The following PBLD variants were observed in gnomAD, a reference collection of about 807,000 sequenced individuals.
PBLD encodes phenazine biosynthesis like protein domain containing, also known as phenazine biosynthesis-like domain-containing protein.
In PBLD, 26 loss-of-function variants were observed where a neutral mutation model predicts 31.3. The ratio of observed to expected loss-of-function variants is 0.83; its 90% CI spans 0.61 to 1.15. PBLD has a LOEUF of 1.15. Among genes scored for constraint, PBLD ranks in the 50% most tolerant of loss-of-function variants. The pLI, the probability that PBLD is intolerant of heterozygous loss-of-function variation, is 0.00. For synonymous variants in PBLD, 114 were observed against 129.0 expected (o/e 0.88, Z 0.79); for missense variants, 307 against 351.7 (o/e 0.87, Z 1.02).
chr10:68,327,082 T>G (rs1292137267), intron 1 of PBLD, among the ~76,000 whole-genome samples: 1 of 151,352 alleles, frequency 6.6e-6, no homozygotes, highest in Non-Finnish European at 1.5e-5. Flanking sequence ...AAAACTGGGG[T>G]TCAGAAAAGT....
At chr10:68,327,491 A>G (rs2044941293) in intron 1 of PBLD, among the ~76,000 whole-genome samples, 1 of 152,028 alleles carries the variant, frequency 6.6e-6, no homozygotes, top group Non-Finnish European at 1.5e-5. Context: ...CAGCCTGATC[A>G]ACATGGTGAA....
intron 1 of PBLD, among the ~76,000 whole-genome samples, chr10:68,330,709 CGTGTGTGTGTGTGTGTGTGTGTGT>C (rs56166847): frequency 7.3e-4 from 105 of 142,912 alleles, no homozygotes; most frequent in South Asian, 2.1e-3. Flanking sequence ...CCACGCCCGG[CGTGTGTGTGTGTGTGTGTGTGTGT>C]GTGTGTGTGT....
chr10:68,284,116 T>C lies in PBLD; in HGVS notation c.*61A>G. 1 of 1,473,936 alleles carries C rather than the reference T, an allele frequency of 6.8e-7. No individual in the cohort carries two copies. 91.3% of individuals were successfully genotyped at this position (1,473,936 alleles called of 1,614,324 possible). On this transcript the variant is annotated 3_prime_UTR_variant, in exon 10 of 10. Coordinates refer to ENST00000358769, the MANE Select transcript of PBLD (RefSeq NM_022129.4). ...CATTTGCTAAAGGCAGCCCCTTACATTTCTTTTTAAGCAGAAAATACTTGG... is the reference window on the plus strand; with the variant it reads ...CATTTGCTAAAGGCAGCCCCTTACACTTCTTTTTAAGCAGAAAATACTTGG...
chr10:68,322,788 T>C (rs2044856206), intron 1 of PBLD, among the ~76,000 whole-genome samples: 1 of 152,234 alleles, frequency 6.6e-6, no homozygotes, highest in East Asian at 1.9e-4. Flanking sequence ...GGCCTCACTC[T>C]GTTATCCAGG....
intron 6 of PBLD, among the ~76,000 whole-genome samples, chr10:68,290,625 G>A (rs756893623): frequency 3.9e-5 from 6 of 152,128 alleles, no homozygotes; most frequent in African/African-American, 1.4e-4. Context: ...GCTGAGGCAG[G>A]AGAATTGCTA....
Position 68,284,162 on chromosome 10 carries a change from A to G in PBLD, c.*15T>C. 10 of 1,599,480 alleles carry G rather than the reference A, an allele frequency of 6.3e-6. No homozygotes were observed. Among genetic ancestry groups the G allele is most frequent in the Non-Finnish European group, 8.6e-6 (10 of 1,168,740 alleles). On this transcript the variant is annotated 3_prime_UTR_variant, in exon 10 of 10. Coordinates refer to ENST00000358769, the MANE Select transcript of PBLD (RefSeq NM_022129.4). ...CTTGGTGGTTAGAGACAGCAGCGTC[A>G]CAGCATAACCACCTCTAGGCTGTCA...
In PBLD at chr10:68,284,196, T is replaced by C; in HGVS notation, c.848A>G (p.Glu283Gly). 6.2e-7 allele frequency: 1 copy of C among 1,613,996 alleles called. No individual in the cohort carries two copies. Among genetic ancestry groups the C allele is most frequent in the South Asian group, 1.1e-5 (1 of 91,072 alleles). The change falls in exon 10 of 10, where the codon GAG (glutamate) becomes GGG (glycine). Residue 283 changes from glutamate to glycine, a missense_variant. Transcript: ENST00000358769. The part of the protein sequence containing the change: ...DIRGGAAVVL[E>G]GTLTA ...CCACCTCTAGGCTGTCAGTGTGCCC[T>C]CTAAAACAACAGCTGCACCTCCTCT...
chr10:68,283,242 C>CT lies in PBLD; in HGVS notation c.*934dup, dbSNP rs1564721482. On this transcript the variant is annotated 3_prime_UTR_variant, in exon 10 of 10. Transcript: ENST00000358769. ...ATGACAGGAAGTAGCCTAATACATA[C>CT]TTTTTTGTGTTAATTTTCTGGATTC... 6.6e-6 allele frequency: 1 copy of CT among 152,050 alleles called. No homozygotes were observed. Among genetic ancestry groups the CT allele is most frequent in the African/African-American group, 2.4e-5 (1 of 41,394 alleles). The allele number at this position is 152,050 out of a possible 1,614,324, so 9.4% of individuals were successfully genotyped here. A position where few individuals can be genotyped will look rare whatever the true frequency, so the allele number is the denominator to read the frequency against.
At chr10:68,296,220 A>G in intron 4 of PBLD, 46 bp downstream of exon 4, 1 of 1,436,260 alleles carries the variant, frequency 7.0e-7, no homozygotes, top group East Asian at 2.3e-5. Context: ...TAAAAAAAAA[A>G]AAGCCATTTG....
chr10:68,311,440 G>A (rs927728508), intron 1 of PBLD, among the ~76,000 whole-genome samples: 1 of 152,128 alleles, frequency 6.6e-6, no homozygotes, highest in African/African-American at 2.4e-5. Context: ...CAAAAAAGTA[G>A]CCAGGTGTGG....
At chr10:68,306,643 G>C in intron 2 of PBLD, 118 bp downstream of exon 2, 1 of 899,986 alleles carries the variant, frequency 1.1e-6, no homozygotes, top group South Asian at 1.8e-5. Flanking sequence ...CTGATATGAT[G>C]GCAAAGAACA....
intron 1 of PBLD, among the ~76,000 whole-genome samples, chr10:68,312,703 G>A (rs1435553025): frequency 1.3e-5 from 2 of 148,320 alleles, no homozygotes; most frequent in Non-Finnish European, 3.0e-5. Context: ...TCCGCCTCCC[G>A]GGTTCACGCC....
At chr10:68,316,802 C>T (rs1388341658) in intron 1 of PBLD, among the ~76,000 whole-genome samples, 1 of 152,114 alleles carries the variant, frequency 6.6e-6, no homozygotes, top group African/African-American at 2.4e-5. Flanking sequence ...TGCCTGAGCT[C>T]AGGAGTTCGA....
intron 1 of PBLD, among the ~76,000 whole-genome samples, chr10:68,318,869 T>C (rs374725582): frequency 1.3e-5 from 2 of 151,612 alleles, no homozygotes; most frequent in Non-Finnish European, 2.9e-5. Flanking sequence ...AGTTCACAGC[T>C]GCAGTGAGGT....
intron 1 of PBLD, among the ~76,000 whole-genome samples, chr10:68,328,591 GA>G (rs775620670): frequency 1.6e-4 from 24 of 152,052 alleles, no homozygotes; most frequent in Non-Finnish European, 2.9e-4. Context: ...ATGCTAATAG[GA>G]AAGCACTGGA....
At chr10:68,330,702 C>A (rs1238871509) in intron 1 of PBLD, among the ~76,000 whole-genome samples, 1 of 145,764 alleles carries the variant, frequency 6.9e-6, no homozygotes, top group African/African-American at 2.6e-5. Context: ...CCCGCCACCA[C>A]GCCCGGCGTG....
At chr10:68,312,672 C>G (rs953548982) in intron 1 of PBLD, among the ~76,000 whole-genome samples, 3 of 124,082 alleles carry the variant, frequency 2.4e-5, no homozygotes, top group African/African-American at 9.5e-5. Flanking sequence ...TGCAGTGGTG[C>G]GATTTCAGCT....
At chr10:68,316,174 A>T (rs1032815722) in intron 1 of PBLD, among the ~76,000 whole-genome samples, 2 of 152,220 alleles carry the variant, frequency 1.3e-5, no homozygotes, top group African/African-American at 4.8e-5. Flanking sequence ...ACTAGACAAG[A>T]ACATTAAATC....
At chr10:68,321,633 T>C (rs1241536326) in intron 1 of PBLD, among the ~76,000 whole-genome samples, 2 of 152,146 alleles carry the variant, frequency 1.3e-5, no homozygotes, top group African/African-American at 4.8e-5. Context: ...CCTGGAGACA[T>C]GACTGATTCT....
Sources: gnomAD v4.1 joint callset for allele counts (sites outside exome capture counted in the v4.1 genomes callset) on GRCh38, gnomAD v4.1.1 for gene constraint, MANE v1.5 for transcripts, NCBI Gene and HGNC (gene_info 2026-07-23, HGNC 2026-07-21) for gene names.